SCAPER: variants seen among roughly 807,000 people sequenced by gnomAD.
The protein encoded by SCAPER is S phase cyclin A-associated protein in the endoplasmic reticulum.
In SCAPER, 98 loss-of-function variants were observed where a neutral mutation model predicts 182.2. That is an observed-to-expected ratio of 0.54 (90% CI 0.46 to 0.64). SCAPER has a LOEUF of 0.64. Ranked by LOEUF, SCAPER falls within the 30% of genes least tolerant of loss-of-function variation. The pLI is 0.00. For missense variants in SCAPER, 1,432 were observed against 1,690.0 expected, an observed-to-expected ratio of 0.85 and a Z score of 2.68; for synonymous variants, 605 against 564.6, an observed-to-expected ratio of 1.07 and a Z score of -1.01.
At chr15:76,489,833 C>CACG (rs2052098753) in intron 24 of SCAPER, among the ~76,000 whole-genome samples, 1 of 152,122 alleles carries the variant, frequency 6.6e-6, no homozygotes, top group South Asian at 2.1e-4. Flanking sequence ...AACCATAGTT[C>CACG]TGCTCTCTGC....
At chr15:76,634,901 G>T (rs533684839) in intron 21 of SCAPER, among the ~76,000 whole-genome samples, 1 of 151,910 alleles carries the variant, frequency 6.6e-6, no homozygotes, top group Admixed American at 6.6e-5. Flanking sequence ...AGTACAGTAA[G>T]TCCTCAATGT....
intron 29 of SCAPER, among the ~76,000 whole-genome samples, chr15:76,365,111 G>A (rs1244817155): frequency 2.6e-5 from 4 of 152,134 alleles, no homozygotes; most frequent in Admixed American, 1.3e-4. Flanking sequence ...GCACACTGCA[G>A]GCACTCAATA....
At chr15:76,832,757 C>T (rs1000741578) in intron 5 of SCAPER, among the ~76,000 whole-genome samples, 2 of 152,156 alleles carry the variant, frequency 1.3e-5, no homozygotes, top group African/African-American at 4.8e-5. Flanking sequence ...ACCTCCCCCT[C>T]GCTCTTGGTC....
At chr15:76,658,912 A>G (rs1427060625) in intron 21 of SCAPER, among the ~76,000 whole-genome samples, 1 of 152,202 alleles carries the variant, frequency 6.6e-6, no homozygotes, top group East Asian at 1.9e-4. Flanking sequence ...ATTTACAATA[A>G]TCAACTCAAG....
At chr15:76,694,264 T>C (rs2147167518) in intron 20 of SCAPER, among the ~76,000 whole-genome samples, 1 of 152,290 alleles carries the variant, frequency 6.6e-6, no homozygotes, top group South Asian at 2.1e-4. Context: ...CTTCAGTTTC[T>C]TTCATCAGTA....
chr15:76,718,240 G>A (rs1310662104), intron 17 of SCAPER, among the ~76,000 whole-genome samples: 1 of 152,108 alleles, frequency 6.6e-6, no homozygotes, highest in Non-Finnish European at 1.5e-5. Flanking sequence ...CAATAGAAAC[G>A]CAACACAGCA....
intron 25 of SCAPER, among the ~76,000 whole-genome samples, chr15:76,465,944 T>G (rs2049579867): frequency 6.6e-6 from 1 of 152,166 alleles, no homozygotes; most frequent in African/African-American, 2.4e-5. Flanking sequence ...ATGTTGATAG[T>G]CTGATGTGTG....
chr15:76,646,938 T>A (rs1247680978), intron 21 of SCAPER, among the ~76,000 whole-genome samples: 3 of 152,224 alleles, frequency 2.0e-5, no homozygotes, highest in Admixed American at 6.5e-5. Context: ...ACTACCTGTA[T>A]CATGAAACCT....
chr15:76,411,908 T>C (rs902041818), intron 26 of SCAPER, among the ~76,000 whole-genome samples: 2 of 152,198 alleles, frequency 1.3e-5, no homozygotes, highest in African/African-American at 4.8e-5. Flanking sequence ...AGTAGTTATT[T>C]GTGTATCTTT....
chr15:76,659,134 G>A (rs544394720), intron 21 of SCAPER, among the ~76,000 whole-genome samples: 1 of 152,102 alleles, frequency 6.6e-6, no homozygotes, highest in Non-Finnish European at 1.5e-5. Flanking sequence ...AGAGTAAACA[G>A]CCAACCTACA....
chr15:76,716,547 C>T (rs1174987989), intron 17 of SCAPER, among the ~76,000 whole-genome samples: 9 of 151,760 alleles, frequency 5.9e-5, no homozygotes, highest in Admixed American at 6.6e-5. Context: ...AGAATAAAAA[C>T]AGACCATTCA....
chr15:76,905,076 C>T (rs2074993184), intron 1 of SCAPER: 1 of 152,750 alleles, frequency 6.5e-6, no homozygotes, highest in African/African-American at 2.4e-5. Context: ...CGTCCCGAGG[C>T]CTCCGAGGCC....
intron 15 of SCAPER, among the ~76,000 whole-genome samples, chr15:76,749,315 A>G (rs1598499074): frequency 6.6e-6 from 1 of 152,236 alleles, no homozygotes; most frequent in South Asian, 2.1e-4. Flanking sequence ...AAAGATTTTC[A>G]GTAAACTAAG....
rs574858925 is a variant in SCAPER, at chr15:76,664,665, C to T, written c.2645+988G>A. ...TCAAAAAACAGGCCCTTAAAACATTCAAAAGTATCAAGAGGTCTGCAAGTT... is the reference window on the plus strand; with the variant it reads ...TCAAAAAACAGGCCCTTAAAACATTTAAAAGTATCAAGAGGTCTGCAAGTT... On this transcript the variant is annotated intron_variant, in intron 21 of 31. Coordinates refer to ENST00000563290, the MANE Select transcript of SCAPER (RefSeq NM_020843.4). 8.5e-5 allele frequency among the ~76,000 whole-genome samples: 13 copies of T among 152,066 alleles called. 1 individual carries two copies. The South Asian group carries it at 2.3e-3, about 27-fold the overall frequency.
rs535357525 is a variant in SCAPER, at chr15:76,782,708, GAACTCAGGATTAAGA to G, written c.773-7606_773-7592del. On this transcript the variant is annotated intron_variant, in intron 8 of 31. Coordinates refer to ENST00000563290, the MANE Select transcript of SCAPER (RefSeq NM_020843.4). ...CTCAGACCACAGTTCAATCAAACTA[GAACTCAGGATTAAGA>G]AACTCACTCAAAACCTCACAACTAC... 5.9e-3 allele frequency among the ~76,000 whole-genome samples: 896 copies of G among 152,248 alleles called. 6 individuals carry two copies. Among genetic ancestry groups the G allele is most frequent in the Non-Finnish European group, 8.7e-3 (593 of 68,022 alleles).
intron 29 of SCAPER, among the ~76,000 whole-genome samples, chr15:76,374,559 C>T (rs1458786044): frequency 1.4e-5 from 2 of 147,336 alleles, no homozygotes; most frequent in African/African-American, 2.5e-5. Context: ...CTCGGCTCAT[C>T]GCAACCTCTG....
intron 18 of SCAPER, among the ~76,000 whole-genome samples, chr15:76,704,711 C>A (rs1370932473): frequency 6.6e-6 from 1 of 152,126 alleles, no homozygotes; most frequent in African/African-American, 2.4e-5. Context: ...AAAAATCAAA[C>A]AACCCCATCA....
At chr15:76,675,643 A>G (rs1229919789) in intron 20 of SCAPER, among the ~76,000 whole-genome samples, 1 of 152,176 alleles carries the variant, frequency 6.6e-6, no homozygotes, top group Non-Finnish European at 1.5e-5. Context: ...TGCCCTTCCC[A>G]TAATTCCATA....
At chr15:76,500,454 C>T (rs949313928) in intron 24 of SCAPER, among the ~76,000 whole-genome samples, 3 of 152,252 alleles carry the variant, frequency 2.0e-5, no homozygotes, top group Admixed American at 2.0e-4. Flanking sequence ...TTGCTGGTTG[C>T]CTTGTGAATT....
Sources: allele counts gnomAD v4.1 joint callset (sites outside exome capture counted in the v4.1 genomes callset), GRCh38; gene constraint gnomAD v4.1.1; transcripts MANE v1.5; gene names NCBI Gene and HGNC (gene_info 2026-07-23, HGNC 2026-07-21).